The following WDR4 variants were observed in gnomAD, a reference collection of about 807,000 sequenced individuals.
WDR4 encodes tRNA (guanine-N(7)-)-methyltransferase non-catalytic subunit WDR4.
In WDR4, 47 loss-of-function variants were observed where a neutral mutation model predicts 48.6. The ratio of observed to expected loss-of-function variants is 0.97; its 90% CI spans 0.77 to 1.23. The LOEUF (loss-of-function observed/expected upper bound fraction) is 1.23. Ranked by LOEUF, WDR4 falls within the 50% of genes most tolerant of loss-of-function variation. The pLI is 0.00. For synonymous variants in WDR4, 268 were observed against 230.0 expected (o/e 1.17, Z -1.49); for missense variants, 606 against 551.6 (o/e 1.10, Z -0.99).
intron 3 of WDR4, among the ~76,000 whole-genome samples, chr21:42,864,915 T>G (rs981537508): frequency 9.2e-5 from 14 of 152,110 alleles, no homozygotes; most frequent in African/African-American, 3.4e-4. Context: ...CAGCCCTGCT[T>G]CCCCACCCCC....
upstream of WDR4, among the ~76,000 whole-genome samples, chr21:42,881,886 C>T (rs953219013): frequency 6.6e-6 from 1 of 152,098 alleles, no homozygotes; most frequent in African/African-American, 2.4e-5. Flanking sequence ...CTCACCAAAA[C>T]CTCTGCCTCC....
At chr21:42,843,998 T>C (rs2057688911) in intron 11 of WDR4, among the ~76,000 whole-genome samples, 1 of 152,170 alleles carries the variant, frequency 6.6e-6, no homozygotes, top group South Asian at 2.1e-4. Context: ...CTGGAAGACA[T>C]TTTTTTAAAT....
chr21:42,868,146 G>A (rs1351928215), intron 3 of WDR4, among the ~76,000 whole-genome samples: 1 of 152,140 alleles, frequency 6.6e-6, no homozygotes, highest in Non-Finnish European at 1.5e-5. Context: ...GGCCATGCAC[G>A]ATGCCAGGAG....
chr21:42,884,240 C>A (rs891349597), upstream of WDR4, among the ~76,000 whole-genome samples: 7 of 152,176 alleles, frequency 4.6e-5, no homozygotes, highest in Non-Finnish European at 8.8e-5. Context: ...GTGTTGTGAA[C>A]ATTCCACTGG....
intron 10 of WDR4, 127 bp from the exon 11 acceptor site, chr21:42,850,369 G>T: frequency 1.2e-6 from 1 of 853,576 alleles, no homozygotes. Context: ...CGTGGGGGGC[G>T]CCTTCTGGGA....
chr21:42,879,222 G>A, intron 1 of WDR4, 185 bp downstream of exon 1: 3 of 1,307,740 alleles, frequency 2.3e-6, no homozygotes, highest in Non-Finnish European at 2.9e-6. Context: ...CGGCGAAAGC[G>A]GACCCTCCAG....
chr21:42,892,517 C>G, the WDR4 span, among the ~76,000 whole-genome samples: 1 of 151,370 alleles, frequency 6.6e-6, no homozygotes, highest in African/African-American at 2.4e-5. Context: ...CTACACAATC[C>G]ATTTAAATGA....
the WDR4 span, among the ~76,000 whole-genome samples, chr21:42,890,905 C>T: frequency 6.6e-6 from 1 of 152,200 alleles, no homozygotes; most frequent in Admixed American, 6.6e-5. Flanking sequence ...ACAGTTTAGG[C>T]CACAGTTACC....
chr21:42,875,547 C>A (rs866973555), intron 2 of WDR4, among the ~76,000 whole-genome samples: 1 of 152,072 alleles, frequency 6.6e-6, no homozygotes, highest in South Asian at 2.1e-4. Flanking sequence ...GGGCAAGACT[C>A]CATCTCAAAA....
At chr21:42,851,721 C>T (rs1038483754) in intron 10 of WDR4, among the ~76,000 whole-genome samples, 5 of 152,278 alleles carry the variant, frequency 3.3e-5, no homozygotes, top group Non-Finnish European at 7.3e-5. Flanking sequence ...TTCCTGCAGC[C>T]GCAGCCACGG....
intron 3 of WDR4, among the ~76,000 whole-genome samples, chr21:42,866,616 C>CT: frequency 6.6e-6 from 1 of 152,202 alleles, no homozygotes; most frequent in East Asian, 1.9e-4. Flanking sequence ...AGGGTGCTGC[C>CT]TGCCAGCTCA....
Position 42,862,199 on chromosome 21 carries a change from A to C in WDR4, c.566+83T>G. ...TCACCCGCGTGGGGCCTCGCCAGCT[A>C]CAACGGCACCTGCTGAGCCGCAAGC... is the stretch of plus-strand genomic sequence containing the variant. On this transcript the variant is annotated intron_variant, in intron 5 of 10. Coordinates refer to ENST00000398208, the MANE Select transcript of WDR4 (RefSeq NM_018669.6). The surrounding 1 kb of genome is among the most constrained non-coding windows in gnomAD (Gnocchi z 4.3). The C allele has an allele frequency of 7.6e-7, 1 of 1,318,684 alleles. No individual in the cohort carries two copies. The highest frequency in any genetic ancestry group is 1.3e-5 in the South Asian group (1 of 76,312). 81.7% of individuals were successfully genotyped at this position (1,318,684 alleles called of 1,614,324 possible).
chr21:42,880,216 C>T (rs563540857), upstream of WDR4, among the ~76,000 whole-genome samples: 1 of 152,094 alleles, frequency 6.6e-6, no homozygotes, highest in South Asian at 2.1e-4. Flanking sequence ...AGTAAGCCTA[C>T]TGAATCTTTG....
chr21:42,876,913 G>T (rs1209324774), intron 1 of WDR4, 146 bp from the exon 2 acceptor site: 2 of 608,126 alleles, frequency 3.3e-6, no homozygotes, highest in Non-Finnish European at 2.7e-6. Context: ...CCGCCTCCCA[G>T]GTTCAAACGA....
intron 3 of WDR4, among the ~76,000 whole-genome samples, chr21:42,870,622 T>C (rs2146084782): frequency 6.6e-6 from 1 of 152,200 alleles, no homozygotes; most frequent in South Asian, 2.1e-4. Flanking sequence ...ACCCCTTCTC[T>C]ACTAAAAATA....
rs558580222 is a variant in WDR4 at position 42,849,335 on chromosome 21, T to A, written c.*714A>T. The A allele has an allele frequency of 6.6e-6, 1 of 152,280 alleles. No individual in the cohort carries two copies. Among genetic ancestry groups the A allele is most frequent in the African/African-American group, 2.4e-5 (1 of 41,418 alleles). 9.4% of individuals were successfully genotyped at this position (152,280 alleles called of 1,614,324 possible). A position where few individuals can be genotyped will look rare whatever the true frequency, so the allele number is the denominator to read the frequency against. The stretch of plus-strand genomic sequence containing the variant: ...CAGCAACATCCCTGTGGCTCTGCAG[T>A]GTGTGCCAAGGTCAAATCAAATCAT... On this transcript the variant is annotated 3_prime_UTR_variant, in exon 11 of 11. Transcript: ENST00000398208.
At position 42,863,551 on chromosome 21, in the gene WDR4, C is replaced by T; in HGVS notation, c.342G>A (p.Glu114=). Residue 114 remains glutamate, a synonymous_variant, in exon 4 of 11, where the codon GAG becomes GAA. Coordinates refer to ENST00000398208, the MANE Select transcript of WDR4 (RefSeq NM_018669.6). The part of the protein sequence containing the change: ...RCTALTFIAS[E]EKVLVADKSG... ...ACTTGTCGGCCACCAAGACCTTCTC[C>T]TCCGAGGCTATGAAAGTCAGGGCTG... is the stretch of plus-strand genomic sequence containing the variant. 3 of 1,614,072 alleles carry T rather than the reference C, an allele frequency of 1.9e-6. No individual in the cohort carries two copies. Among genetic ancestry groups the T allele is most frequent in the Non-Finnish European group, 2.5e-6 (3 of 1,180,006 alleles).
At chr21:42,876,827 T>A (rs2058503481) in intron 1 of WDR4, 60 bp from the exon 2 acceptor site, 2 of 1,534,788 alleles carry the variant, frequency 1.3e-6, no homozygotes, top group Non-Finnish European at 1.8e-6. Flanking sequence ...TAACAAATTT[T>A]TTTTTTTTGA....
rs1491253275 is a variant in WDR4, at chr21:42,876,216, C to CTTTTTTTTTTT, written c.155+485_155+486insAAAAAAAAAAA. ...CACCGCACCCGGCACTAACACTGTA[C>CTTTTTTTTTTT]TCTTTTTTTTTTTGGGAGACAGAGT... On this transcript the variant is annotated intron_variant, in intron 2 of 10. Coordinates refer to ENST00000398208, the MANE Select transcript of WDR4 (RefSeq NM_018669.6). 2.4e-3 allele frequency among the ~76,000 whole-genome samples: 147 copies of CTTTTTTTTTTT among 60,878 alleles called. 2 individuals are homozygous for CTTTTTTTTTTT. The highest frequency in any genetic ancestry group is 9.5e-3 in the African/African-American group (133 of 14,026). The allele number at this position is 60,878 out of a possible 152,430, so 39.9% of individuals were successfully genotyped here. A position where few individuals can be genotyped will look rare whatever the true frequency, so the allele number is the denominator to read the frequency against.
Sources: allele counts gnomAD v4.1 joint callset (sites outside exome capture counted in the v4.1 genomes callset), GRCh38; gene constraint gnomAD v4.1.1; non-coding constraint Gnocchi (gnomAD v3.1); transcripts MANE v1.5; gene names NCBI Gene and HGNC (gene_info 2026-07-23, HGNC 2026-07-21).